The following CADM2 variants were observed in gnomAD, a reference collection of about 807,000 sequenced individuals.
CADM2 encodes the protein cell adhesion molecule 2, also known as immunoglobulin superfamily member 4D.
In CADM2, 12 loss-of-function variants were observed where a neutral mutation model predicts 49.8. The ratio of observed to expected loss-of-function variants is 0.24; its 90% confidence interval spans 0.15 to 0.39. The LOEUF (loss-of-function observed/expected upper bound fraction) is 0.39, where lower values mean the gene tolerates loss of function less well. CADM2 is among the 10% of genes least tolerant of loss of function. The probability of loss-of-function intolerance (pLI) is 1.00; values close to 1 mark genes in which losing one functional copy is unlikely to be tolerated. For synonymous variants in CADM2, 214 were observed against 175.4 expected (o/e 1.22, Z -1.74); for missense variants, 378 against 492.3 (o/e 0.77, Z 2.20).
intron 1 of CADM2, among the ~76,000 whole-genome samples, chr3:85,465,953 T>C (rs568047459): frequency 6.6e-6 from 1 of 152,216 alleles, no homozygotes; most frequent in Non-Finnish European, 1.5e-5. Flanking sequence ...AGTGCTTGCA[T>C]TTATTTGTTA....
chr3:86,023,232 C>A (rs1265869925), intron 8 of CADM2, among the ~76,000 whole-genome samples: 6 of 152,110 alleles, frequency 3.9e-5, no homozygotes, highest in Non-Finnish European at 8.8e-5. Flanking sequence ...ACAAATGTAA[C>A]ACAAGTAAGT....
intron 1 of CADM2, among the ~76,000 whole-genome samples, chr3:85,011,825 G>T (rs1057465655): frequency 1.3e-5 from 2 of 151,918 alleles, no homozygotes; most frequent in African/African-American, 4.8e-5. Flanking sequence ...AGGAGTGGCT[G>T]CATGCCACTG....
chr3:85,564,436 T>C (rs2062195207), intron 1 of CADM2, among the ~76,000 whole-genome samples: 2 of 152,050 alleles, frequency 1.3e-5, no homozygotes, highest in South Asian at 4.1e-4. Context: ...GCTCATCATA[T>C]CAAAACGGTG....
chr3:85,309,514 A>G (rs1034245599), intron 1 of CADM2, among the ~76,000 whole-genome samples: 1 of 152,158 alleles, frequency 6.6e-6, no homozygotes, highest in Non-Finnish European at 1.5e-5. Context: ...TCAGTGAGTC[A>G]TGCAAGTTAA....
intron 1 of CADM2, among the ~76,000 whole-genome samples, chr3:85,653,732 C>T (rs965176669): frequency 2.0e-5 from 3 of 151,976 alleles, no homozygotes; most frequent in South Asian, 2.1e-4. Context: ...TGGGCGTATA[C>T]GGCATCACCT....
At chr3:85,628,601 A>ATATATATACATATATACC (rs2064201858) in intron 1 of CADM2, among the ~76,000 whole-genome samples, 1 of 49,236 alleles carries the variant, frequency 2.0e-5, no homozygotes, top group South Asian at 6.4e-4. Flanking sequence ...ACATATATAC[A>ATATATATACATATATACC]CATATATACA....
At chr3:85,837,649 T>C (rs1237942646) in intron 3 of CADM2, among the ~76,000 whole-genome samples, 2 of 151,850 alleles carry the variant, frequency 1.3e-5, no homozygotes, top group East Asian at 3.9e-4. Context: ...AATTTTGGGC[T>C]AGAACAAGAA....
At chr3:85,403,508 T>G in intron 1 of CADM2, among the ~76,000 whole-genome samples, 1 of 152,106 alleles carries the variant, frequency 6.6e-6, no homozygotes, top group East Asian at 1.9e-4. Context: ...TCAGAGTCAG[T>G]GATTATGTCC....
At chr3:85,256,754 A>T (rs1369417793) in intron 1 of CADM2, among the ~76,000 whole-genome samples, 1 of 152,266 alleles carries the variant, frequency 6.6e-6, no homozygotes, top group East Asian at 1.9e-4. Flanking sequence ...CACACCGTCC[A>T]TTCTGTAACT....
At chr3:85,259,970 A>C (rs1225816305) in intron 1 of CADM2, among the ~76,000 whole-genome samples, 1 of 152,120 alleles carries the variant, frequency 6.6e-6, no homozygotes, top group African/African-American at 2.4e-5. Flanking sequence ...TCAACTCTTA[A>C]AGCCACTCGA....
At chr3:85,363,449 C>T (rs2032500980) in intron 1 of CADM2, among the ~76,000 whole-genome samples, 1 of 151,928 alleles carries the variant, frequency 6.6e-6, no homozygotes, top group Admixed American at 6.6e-5. Context: ...ATTAAAACCC[C>T]AAATACCCCC....
In CADM2 at chr3:84,994,771, A is replaced by G. The variant is rs7647140; in HGVS notation, c.61+35103A>G. ...CGGCTGGGCGTGGTGCCTCATGCCT[A>G]TAATCCCAGCACTTTAGGAGGCCCA... On this transcript the variant is annotated intron_variant, in intron 1 of 9. Coordinates refer to ENST00000383699, the MANE Select transcript of CADM2 (RefSeq NM_001167675.2). 9.8e-3 allele frequency among the ~76,000 whole-genome samples: 1,498 copies of G among 152,084 alleles called. 35 individuals carry two copies. Among genetic ancestry groups the G allele is most frequent in the African/African-American group, 0.035 (1,443 of 41,454 alleles).
At chr3:85,464,379 C>A (rs2038394881) in intron 1 of CADM2, among the ~76,000 whole-genome samples, 1 of 152,082 alleles carries the variant, frequency 6.6e-6, no homozygotes, top group African/African-American at 2.4e-5. Context: ...AAAAGAAATT[C>A]CATCTGTCTC....
At chr3:85,746,059 A>G (rs976926705) in intron 2 of CADM2, among the ~76,000 whole-genome samples, 11 of 152,064 alleles carry the variant, frequency 7.2e-5, no homozygotes, top group Non-Finnish European at 1.3e-4. Flanking sequence ...CATAATAAAA[A>G]CGTTTAATGT....
intron 2 of CADM2, among the ~76,000 whole-genome samples, chr3:85,770,045 T>C (rs918556847): frequency 1.3e-5 from 2 of 152,030 alleles, no homozygotes; most frequent in African/African-American, 4.8e-5. Context: ...GATATAGAAA[T>C]AGCACTGGAT....
chr3:85,084,353 C>T (rs1046912929), intron 1 of CADM2, among the ~76,000 whole-genome samples: 2 of 152,106 alleles, frequency 1.3e-5, no homozygotes, highest in Non-Finnish European at 2.9e-5. Flanking sequence ...AGTAAACTGC[C>T]TTCGTTCACT....
At chr3:85,773,649 C>T (rs1449900848) in intron 2 of CADM2, among the ~76,000 whole-genome samples, 1 of 151,944 alleles carries the variant, frequency 6.6e-6, no homozygotes, top group African/African-American at 2.4e-5. Flanking sequence ...ACATTTACAT[C>T]TGAAATAATC....
intron 1 of CADM2, among the ~76,000 whole-genome samples, chr3:85,571,610 C>G (rs773436694): frequency 1.3e-5 from 2 of 152,032 alleles, no homozygotes; most frequent in Non-Finnish European, 2.9e-5. Flanking sequence ...TGTATATGTC[C>G]CATATAGCAC....
chr3:86,004,608 C>A (rs1030885845), intron 8 of CADM2, among the ~76,000 whole-genome samples: 1 of 152,098 alleles, frequency 6.6e-6, no homozygotes, highest in Non-Finnish European at 1.5e-5. Flanking sequence ...TAATTTTGTC[C>A]TATTCATAGG....
Sources: allele counts gnomAD v4.1 joint callset (sites outside exome capture counted in the v4.1 genomes callset), GRCh38; gene constraint gnomAD v4.1.1; transcripts MANE v1.5; gene names NCBI Gene and HGNC (gene_info 2026-07-23, HGNC 2026-07-21).